The following SCNN1B variants were observed in gnomAD, a reference collection of about 807,000 sequenced individuals.
SCNN1B encodes sodium channel epithelial 1 subunit beta, also known as epithelial sodium channel subunit beta.
A neutral mutation model predicts 65.3 loss-of-function variants in SCNN1B; 46 were observed. The ratio of observed to expected loss-of-function variants is 0.70; its 90% confidence interval spans 0.56 to 0.90. The LOEUF (loss-of-function observed/expected upper bound fraction) is 0.90, where lower values mean the gene tolerates loss of function less well. Among genes scored for constraint, SCNN1B ranks in the 40% least tolerant of loss-of-function variants. The probability of loss-of-function intolerance (pLI) is 0.00; values close to 1 mark genes in which losing one functional copy is unlikely to be tolerated. For synonymous variants in SCNN1B, 349 were observed against 330.6 expected (o/e 1.06, Z -0.60); for missense variants, 751 against 830.5 (o/e 0.90, Z 1.18).
At position 23,296,880 on chromosome 16, in the gene SCNN1B, A is replaced by G. The variant is rs552528483; in HGVS notation, n.178+13076A>G. On this transcript the variant is annotated intron_variant and non_coding_transcript_variant, in intron 2 of 3. Transcript: ENST00000569789. ...CTGGGCTTGGTGAGGCGCACAACTC[A>G]GGAGGCTGAGGCAGGGGAATCGCTT... 4.2e-4 allele frequency among the ~76,000 whole-genome samples: 64 copies of G among 151,932 alleles called. 1 individual carries two copies. In the South Asian group the frequency reaches 0.013, roughly 31 times the overall value.
At chr16:23,351,249 G>A (rs73544428) in intron 2 of SCNN1B, among the ~76,000 whole-genome samples, 289 of 152,268 alleles carry the variant, frequency 1.9e-3, no homozygotes, top group African/African-American at 6.3e-3. Flanking sequence ...ACTGATCCAT[G>A]CATTTTATAA....
chr16:23,279,292 C>A, intron 1 of SCNN1B, among the ~76,000 whole-genome samples: 1 of 152,120 alleles, frequency 6.6e-6, no homozygotes, highest in East Asian at 1.9e-4. Flanking sequence ...GTTGGCCAGG[C>A]TGGTCCTGAA....
chr16:23,330,277 G>A (rs1035127801), intron 1 of SCNN1B, among the ~76,000 whole-genome samples: 4 of 152,154 alleles, frequency 2.6e-5, no homozygotes, highest in Non-Finnish European at 2.9e-5. Context: ...TGGGCCCAAC[G>A]TGAACAATCC....
rs753802362 is a variant in SCNN1B at position 23,346,200 on chromosome 16, C to CTTTTTTTTTTTTTTTTTTTTT, written c.-8-2383_-8-2363dup. Among the ~76,000 whole-genome samples, 18 of 78,008 alleles carry CTTTTTTTTTTTTTTTTTTTTT rather than the reference C, an allele frequency of 2.3e-4. 3 individuals carry two copies. The highest frequency in any genetic ancestry group is 3.2e-4 in the African/African-American group (5 of 15,734). 51.2% of individuals were successfully genotyped at this position (78,008 alleles called of 152,430 possible). On this transcript the variant is annotated intron_variant, in intron 1 of 12. Transcript: ENST00000343070. ...CCATGGAACACCCTTTTTTCCTTTT[C>CTTTTTTTTTTTTTTTTTTTTT]TTTTTTTTTTTTTTTTTTTTTTTTT...
intron 4 of SCNN1B, chr16:23,358,553 A>G (rs1391267416): frequency 9.9e-5 from 15 of 152,188 alleles, no homozygotes. Context: ...TGAGTAACTG[A>G]CCCTACTACT....
chr16:23,332,307 T>C (rs1380823539), intron 1 of SCNN1B, among the ~76,000 whole-genome samples: 4 of 152,028 alleles, frequency 2.6e-5, no homozygotes, highest in African/African-American at 9.7e-5. Flanking sequence ...GCGATTCTCC[T>C]GCCTCAGCCT....
chr16:23,352,247 T>A (rs953612472), intron 2 of SCNN1B, among the ~76,000 whole-genome samples: 4 of 152,166 alleles, frequency 2.6e-5, no homozygotes, highest in African/African-American at 9.7e-5. Flanking sequence ...AATGAGTGCA[T>A]GGGTGGTGGA....
At chr16:23,362,052 A>G (rs1336117736) in intron 4 of SCNN1B, among the ~76,000 whole-genome samples, 1 of 152,064 alleles carries the variant, frequency 6.6e-6, no homozygotes, top group Non-Finnish European at 1.5e-5. Flanking sequence ...GTATTTAGAA[A>G]CCAAGATCTG....
chr16:23,304,608 G>A (rs1351907606), intron 1 of SCNN1B, among the ~76,000 whole-genome samples: 1 of 152,178 alleles, frequency 6.6e-6, no homozygotes, highest in Non-Finnish European at 1.5e-5. Context: ...CACGAACCAC[G>A]GACTGGCAGA....
intron 4 of SCNN1B, among the ~76,000 whole-genome samples, chr16:23,364,666 G>C (rs1041438227): frequency 1.3e-5 from 2 of 152,136 alleles, no homozygotes; most frequent in Non-Finnish European, 2.9e-5. Context: ...GGGTGGGAGC[G>C]TCTGAGGTGG....
chr16:23,280,221 T>C (rs1010221344), intron 1 of SCNN1B, among the ~76,000 whole-genome samples: 1 of 151,978 alleles, frequency 6.6e-6, no homozygotes, highest in African/African-American at 2.4e-5. Context: ...TTTTTATTTT[T>C]TTAATTTTAA....
chr16:23,298,239 T>G (rs925215026), upstream of SCNN1B, among the ~76,000 whole-genome samples: 1 of 152,206 alleles, frequency 6.6e-6, no homozygotes, highest in Non-Finnish European at 1.5e-5. Context: ...AAAGAGTTTT[T>G]TAAAATTTGG....
chr16:23,355,260 T>G, intron 3 of SCNN1B, 39 bp from the exon 4 acceptor site: 1 of 1,602,658 alleles, frequency 6.2e-7, no homozygotes, highest in Non-Finnish European at 8.5e-7. Flanking sequence ...TGCTAGCAGC[T>G]CCCACGCCAC....
intron 1 of SCNN1B, among the ~76,000 whole-genome samples, chr16:23,311,155 T>C (rs1157355129): frequency 6.6e-6 from 1 of 152,250 alleles, no homozygotes; most frequent in Non-Finnish European, 1.5e-5. Context: ...ATCTCTGCAT[T>C]GGGCACAACT....
intron 4 of SCNN1B, among the ~76,000 whole-genome samples, chr16:23,360,201 A>AAAAAAAATAAATAAAT (rs1555488432): frequency 1.3e-3 from 174 of 132,840 alleles, no homozygotes; most frequent in Non-Finnish European, 2.2e-3. Flanking sequence ...CCATCTCAAA[A>AAAAAAAATAAATAAAT]AAATAAATAA....
intron 2 of SCNN1B, among the ~76,000 whole-genome samples, chr16:23,296,235 G>T (rs1023660886): frequency 6.6e-6 from 1 of 152,126 alleles, no homozygotes; most frequent in African/African-American, 2.4e-5. Flanking sequence ...GGAGGTGGGG[G>T]GCGCCACGGG....
At chr16:23,371,485 G>C in intron 6 of SCNN1B, 23 bp downstream of exon 6, 2 of 1,611,854 alleles carry the variant, frequency 1.2e-6, no homozygotes, top group Non-Finnish European at 1.7e-6. Flanking sequence ...CCCAAGGGCA[G>C]TCCTAGAGGG....
At chr16:23,349,242 C>T (rs1596860920) in intron 2 of SCNN1B, among the ~76,000 whole-genome samples, 1 of 152,146 alleles carries the variant, frequency 6.6e-6, no homozygotes, top group East Asian at 1.9e-4. Flanking sequence ...CTTTGAGAGG[C>T]AAAGACAGAA....
chr16:23,374,749 G>A (rs1452112712), intron 7 of SCNN1B, among the ~76,000 whole-genome samples: 2 of 151,910 alleles, frequency 1.3e-5, no homozygotes, highest in Non-Finnish European at 2.9e-5. Context: ...GACGGAGCCC[G>A]GGCTGCAGGA....
Sources: allele counts gnomAD v4.1 joint callset (sites outside exome capture counted in the v4.1 genomes callset), GRCh38; gene constraint gnomAD v4.1.1; transcripts MANE v1.5; gene names NCBI Gene and HGNC (gene_info 2026-07-23, HGNC 2026-07-21).